The following AFF3 variants were observed in gnomAD, a reference collection of about 807,000 sequenced individuals.
AFF3 encodes AF4/FMR2 family member 3.
A neutral mutation model predicts 129.7 loss-of-function variants in AFF3; 32 were observed. The observed-to-expected ratio is 0.25, with a 90% confidence interval of 0.19 to 0.33. AFF3 has a LOEUF of 0.33. AFF3 is among the 10% of genes least tolerant of loss of function. The pLI is 1.00. For missense variants in AFF3, 1,373 were observed against 1,592.0 expected, an observed-to-expected ratio of 0.86 and a Z score of 2.34; for synonymous variants, 644 against 635.4, an observed-to-expected ratio of 1.01 and a Z score of -0.20.
At chr2:100,030,038 T>C (rs1684365515) in intron 4 of AFF3, among the ~76,000 whole-genome samples, 1 of 151,660 alleles carries the variant, frequency 6.6e-6, no homozygotes, top group African/African-American at 2.4e-5. Flanking sequence ...CTGCACGCCA[T>C]CCTGGGCGAG....
At chr2:99,896,609 C>G (rs1291441786) in intron 7 of AFF3, among the ~76,000 whole-genome samples, 1 of 131,226 alleles carries the variant, frequency 7.6e-6, no homozygotes, top group East Asian at 2.1e-4. Flanking sequence ...ATTTACTTCC[C>G]TGTCAAAATG....
At chr2:99,642,684 T>C (rs1684315702) in intron 13 of AFF3, among the ~76,000 whole-genome samples, 1 of 152,210 alleles carries the variant, frequency 6.6e-6, no homozygotes, top group Admixed American at 6.5e-5. Context: ...CCAAACCTCC[T>C]ATCTCCGACC....
At chr2:99,719,413 TTTTTC>T (rs995829297) in intron 11 of AFF3, among the ~76,000 whole-genome samples, 64 of 152,284 alleles carry the variant, frequency 4.2e-4, no homozygotes, top group African/African-American at 1.5e-3. Flanking sequence ...TTGTATGATA[TTTTTC>T]TTTTCTTATC....
chr2:99,776,090 G>C (rs1373643871), intron 8 of AFF3, among the ~76,000 whole-genome samples: 1 of 152,170 alleles, frequency 6.6e-6, no homozygotes, highest in Admixed American at 6.5e-5. Flanking sequence ...CTCTCAGGAG[G>C]AAACAAAGTG....
intron 13 of AFF3, among the ~76,000 whole-genome samples, chr2:99,610,960 C>T (rs1192830007): frequency 6.6e-6 from 1 of 152,140 alleles, no homozygotes; most frequent in Admixed American, 6.5e-5. Flanking sequence ...CCTGCAGGTC[C>T]CTGGGGCTCT....
At chr2:100,045,563 T>C (rs1187772093) in intron 4 of AFF3, among the ~76,000 whole-genome samples, 2 of 147,656 alleles carry the variant, frequency 1.4e-5, no homozygotes, top group Admixed American at 6.8e-5. Flanking sequence ...CCACTTATTG[T>C]AGGTTTTTTT....
intron 4 of AFF3, among the ~76,000 whole-genome samples, chr2:100,045,437 G>A (rs1200137371): frequency 6.6e-6 from 1 of 152,100 alleles, no homozygotes; most frequent in Non-Finnish European, 1.5e-5. Flanking sequence ...ACTCTGCTAA[G>A]AACTGCCTTA....
chr2:99,680,372 G>C (rs748432811), intron 11 of AFF3, among the ~76,000 whole-genome samples: 1 of 152,162 alleles, frequency 6.6e-6, no homozygotes, highest in African/African-American at 2.4e-5. Flanking sequence ...AAAGAATTGA[G>C]TTTCTAAGGC....
intron 11 of AFF3, among the ~76,000 whole-genome samples, chr2:99,697,610 A>G (rs1676423248): frequency 1.3e-5 from 2 of 152,376 alleles, no homozygotes; most frequent in South Asian, 4.1e-4. Context: ...GGCCCTTGCG[A>G]TCAGAATAAG....
At chr2:99,879,851 A>G (rs1330192910) in intron 7 of AFF3, among the ~76,000 whole-genome samples, 1 of 152,204 alleles carries the variant, frequency 6.6e-6, no homozygotes, top group Non-Finnish European at 1.5e-5. Context: ...TAAAGTAGCT[A>G]CAAACTCTTT....
At chr2:99,786,649 G>A (rs545103748) in intron 8 of AFF3, among the ~76,000 whole-genome samples, 2 of 152,046 alleles carry the variant, frequency 1.3e-5, no homozygotes, top group Non-Finnish European at 2.9e-5. Context: ...AACATTTGTG[G>A]GTTTTATGCC....
intron 19 of AFF3, among the ~76,000 whole-genome samples, chr2:99,567,601 G>A (rs546202126): frequency 1.4e-4 from 22 of 152,256 alleles, no homozygotes; most frequent in Non-Finnish European, 3.1e-4. Flanking sequence ...GAATGGTAGG[G>A]TTTGGCTAGA....
At chr2:99,607,991 T>A (rs1230261709) in intron 13 of AFF3, among the ~76,000 whole-genome samples, 1 of 152,258 alleles carries the variant, frequency 6.6e-6, no homozygotes, top group Non-Finnish European at 1.5e-5. Flanking sequence ...CTGGCAGGAC[T>A]GTTGCTTCTA....
At chr2:99,988,254 T>C (rs369590949) in intron 7 of AFF3, among the ~76,000 whole-genome samples, 1 of 152,066 alleles carries the variant, frequency 6.6e-6, no homozygotes, top group Non-Finnish European at 1.5e-5. Flanking sequence ...TTGGAGGCAA[T>C]GATAAAGAAG....
rs1287774558 is a variant in AFF3 at position 100,007,442 on chromosome 2, G to C, written c.193C>G (p.Leu65Val). The C allele has an allele frequency of 1.9e-6, 3 of 1,613,188 alleles. No individual in the cohort carries two copies. The highest frequency in any genetic ancestry group is 2.5e-6 in the Non-Finnish European group (3 of 1,179,536). The change falls in exon 6 of 25, where the codon CTC (leucine) becomes GTC (valine). Residue 65 changes from leucine to valine, a missense_variant. Leu to Val is a conservative substitution (Grantham distance 32). Transcript: ENST00000672756. ...EPYKTNKGDELSNRIQNTLGN... is the reference protein window; with the variant it reads ...EPYKTNKGDEVSNRIQNTLGN... ...AAAGTGTTCTGGATCCGGTTGGAGAGTTCATCCCCCTTGTTAGTCTGGAGA... is the reference window on the plus strand; with the variant it reads ...AAAGTGTTCTGGATCCGGTTGGAGACTTCATCCCCCTTGTTAGTCTGGAGA...
rs149945108 is a variant in AFF3, at chr2:99,713,692, T to C, written c.1091+13385A>G. Among the ~76,000 whole-genome samples the C allele has an allele frequency of 2.4e-3, 365 of 151,984 alleles. 2 individuals carry two copies. Among genetic ancestry groups the C allele is most frequent in the Middle Eastern group, 6.8e-3 (2 of 294 alleles). On this transcript the variant is annotated intron_variant, in intron 11 of 24. Coordinates refer to ENST00000672756, the MANE Select transcript of AFF3 (RefSeq NM_001386135.1). ...CAATTAAACAGGAGACAGGGGAATA[T>C]AGACTCCCTATTTTTTTTTTTTCTA...
At chr2:100,014,783 CTTTTTTTT>C in intron 4 of AFF3, among the ~76,000 whole-genome samples, 1 of 120,404 alleles carries the variant, frequency 8.3e-6, no homozygotes. Flanking sequence ...ACCTTGCTTC[CTTTTTTTT>C]TTTTTTTTTT....
intron 15 of AFF3, among the ~76,000 whole-genome samples, chr2:99,588,832 G>A (rs1264126546): frequency 6.6e-6 from 1 of 152,174 alleles, no homozygotes; most frequent in Non-Finnish European, 1.5e-5. Flanking sequence ...ACCCAGTACT[G>A]GGGTACTAAT....
At chr2:99,829,000 G>A (rs892385454) in intron 8 of AFF3, among the ~76,000 whole-genome samples, 1 of 152,094 alleles carries the variant, frequency 6.6e-6, no homozygotes, top group African/African-American at 2.4e-5. Context: ...TTGAAACTGA[G>A]GCTTCTAAGT....
Sources: gnomAD v4.1 joint callset for allele counts (sites outside exome capture counted in the v4.1 genomes callset) on GRCh38, gnomAD v4.1.1 for gene constraint, MANE v1.5 for transcripts, NCBI Gene and HGNC (gene_info 2026-07-23, HGNC 2026-07-21) for gene names.